TSNARE1: variants seen among roughly 807,000 people sequenced by gnomAD.
TSNARE1 encodes the protein t-SNARE domain containing 1.
In TSNARE1, 49 loss-of-function variants were observed where a neutral mutation model predicts 62.0. The ratio of observed to expected loss-of-function variants is 0.79; its 90% CI spans 0.63 to 1.00. TSNARE1 has a LOEUF of 1.00. Ranked by LOEUF, TSNARE1 falls within the 50% of genes least tolerant of loss-of-function variation. The pLI, the probability that TSNARE1 is intolerant of heterozygous loss-of-function variation, is 0.00. For missense variants in TSNARE1, 755 were observed against 700.1 expected, an observed-to-expected ratio of 1.08 and a Z score of -0.88; for synonymous variants, 328 against 294.4, an observed-to-expected ratio of 1.11 and a Z score of -1.17.
chr8:142,405,881 C>T (rs1838577142), upstream of TSNARE1: 1 of 152,500 alleles, frequency 6.6e-6, no homozygotes, highest in South Asian at 2.1e-4. Flanking sequence ...ACCCACCAAC[C>T]CCGCCGAGCC....
chr8:142,404,641 C>T (rs148978102), upstream of TSNARE1: 1 of 152,422 alleles, frequency 6.6e-6, no homozygotes, highest in African/African-American at 2.4e-5. Flanking sequence ...CAGGGCTTCA[C>T]TCTTCGGCTA....
intron 12 of TSNARE1, among the ~76,000 whole-genome samples, chr8:142,260,438 C>T (rs779737962): frequency 2.0e-5 from 3 of 152,152 alleles, no homozygotes; most frequent in South Asian, 2.1e-4. Context: ...CCTGGCCAGG[C>T]GTCCTCTGTC....
chr8:142,262,273 A>G (rs1313942675), intron 12 of TSNARE1, among the ~76,000 whole-genome samples: 3 of 152,106 alleles, frequency 2.0e-5, no homozygotes, highest in East Asian at 3.9e-4. Flanking sequence ...CATTGAGCCT[A>G]TAGATTTGGG....
At chr8:142,232,381 GCCAA>G (rs1460913557) in intron 12 of TSNARE1, among the ~76,000 whole-genome samples, 2 of 152,368 alleles carry the variant, frequency 1.3e-5, no homozygotes, top group East Asian at 3.9e-4. Flanking sequence ...CCTGAAGTTG[GCCAA>G]CCGAGGGCCT....
Position 142,315,002 on chromosome 8 carries a change from C to T in TSNARE1, c.1074+1G>A. On this transcript the variant is annotated splice_donor_variant, in intron 8 of 13. Transcript: ENST00000524325. LOFTEE classifies it high-confidence loss of function. Reference sequence around the variant, plus strand: ...CCCCACTGCCCCCACCAGCACCTCACCTTCTGCACCACTCCATAGCACTGA... The same window carrying T: ...CCCCACTGCCCCCACCAGCACCTCATCTTCTGCACCACTCCATAGCACTGA... 6.2e-7 allele frequency: 1 copy of T among 1,614,160 alleles called. No individual in the cohort carries two copies. The highest frequency in any genetic ancestry group is 8.5e-7 in the Non-Finnish European group (1 of 1,180,020).
chr8:142,305,613 T>TTAGACGCC (rs1826539746), intron 9 of TSNARE1, among the ~76,000 whole-genome samples: 1 of 152,112 alleles, frequency 6.6e-6, no homozygotes, highest in South Asian at 2.1e-4. Context: ...AAGAGATGGC[T>TTAGACGCC]TAGACGCCCG....
Position 142,339,740 on chromosome 8 carries a change from C to T in TSNARE1, c.745+4226G>A, listed in dbSNP as rs986707633. 4.6e-5 allele frequency among the ~76,000 whole-genome samples: 7 copies of T among 152,246 alleles called. 1 individual carries two copies. Among genetic ancestry groups the T allele is most frequent in the African/African-American group, 1.4e-4 (6 of 41,476 alleles). ...GACAACCACTCCCGAGGGAGGTCTG[C>T]GGGAAAGGCAGGTGGCAGATGGACA... On this transcript the variant is annotated intron_variant, in intron 4 of 13. Transcript: ENST00000524325.
At position 142,276,020 on chromosome 8, in the gene TSNARE1, C is replaced by G. The variant is rs536052254; in HGVS notation, c.1364-1157G>C. On this transcript the variant is annotated intron_variant, in intron 11 of 13. Transcript: ENST00000524325. ...CTGCCTTCAGAAGCCCCCACCCAGG[C>G]CTCACAGGGATCCTTGAACCCTTGG... 12 of 985,430 alleles carry G rather than the reference C, an allele frequency of 1.2e-5. No homozygotes were observed. In the African/African-American group the frequency reaches 1.6e-4, roughly 13 times the overall value. The allele number at this position is 985,430 out of a possible 1,614,324, so 61.0% of individuals were successfully genotyped here. A position where few individuals can be genotyped will look rare whatever the true frequency, so the allele number is the denominator to read the frequency against.
intron 10 of TSNARE1, among the ~76,000 whole-genome samples, chr8:142,286,892 C>T (rs1041981082): frequency 1.3e-5 from 2 of 152,234 alleles, no homozygotes; most frequent in Non-Finnish European, 2.9e-5. Flanking sequence ...TTGCAGGGGC[C>T]TTCCCAAGGG....
chr8:142,365,833 TA>T, intron 1 of TSNARE1: 1 of 370,882 alleles, frequency 2.7e-6, no homozygotes, highest in Non-Finnish European at 5.3e-6. Context: ...GAATAAATTG[TA>T]AAAGGTGCAA....
chr8:142,249,335 C>A (rs1440660573), intron 12 of TSNARE1, among the ~76,000 whole-genome samples: 1 of 152,142 alleles, frequency 6.6e-6, no homozygotes, highest in Non-Finnish European at 1.5e-5. Context: ...CGGCAAGGAA[C>A]AGGAAGGGCC....
At chr8:142,364,268 AC>A (rs945952996) in intron 1 of TSNARE1, among the ~76,000 whole-genome samples, 5 of 151,930 alleles carry the variant, frequency 3.3e-5, no homozygotes, top group Admixed American at 6.5e-5. Flanking sequence ...TCGTCATCCT[AC>A]CCGCCACACT....
At chr8:142,279,249 T>G (rs550948975) in intron 11 of TSNARE1, among the ~76,000 whole-genome samples, 3 of 152,168 alleles carry the variant, frequency 2.0e-5, no homozygotes, top group Non-Finnish European at 2.9e-5. Flanking sequence ...CTGGACTGCA[T>G]CTGGAAGGGG....
At chr8:142,342,212 G>A (rs1324724376) in intron 4 of TSNARE1, among the ~76,000 whole-genome samples, 7 of 152,254 alleles carry the variant, frequency 4.6e-5, no homozygotes, top group South Asian at 4.1e-4. Context: ...AGGAAGTTCC[G>A]GCAGCAAGGC....
chr8:142,315,978 C>A (rs531418231), intron 7 of TSNARE1, among the ~76,000 whole-genome samples: 4 of 152,344 alleles, frequency 2.6e-5, no homozygotes, highest in African/African-American at 9.6e-5. Flanking sequence ...AGGAGCCATT[C>A]GCTTCACGAG....
chr8:142,329,358 C>T (rs1032466511), intron 6 of TSNARE1, among the ~76,000 whole-genome samples: 5 of 152,204 alleles, frequency 3.3e-5, no homozygotes, highest in Non-Finnish European at 5.9e-5. Context: ...CTCTCCTCTC[C>T]GAGGCCCACA....
intron 9 of TSNARE1, among the ~76,000 whole-genome samples, chr8:142,307,026 T>G (rs1014486086): frequency 6.6e-6 from 1 of 152,212 alleles, no homozygotes; most frequent in Admixed American, 6.5e-5. Context: ...CAGTGGGGCC[T>G]GGTTCTGAAT....
At chr8:142,287,286 T>C (rs1429733741) in intron 10 of TSNARE1, among the ~76,000 whole-genome samples, 2 of 130,928 alleles carry the variant, frequency 1.5e-5, no homozygotes, top group African/African-American at 5.8e-5. Flanking sequence ...CCCTCCAGGA[T>C]GTGGAACCCA....
intron 12 of TSNARE1, among the ~76,000 whole-genome samples, chr8:142,267,861 C>A (rs140983176): frequency 6.6e-6 from 1 of 152,340 alleles, no homozygotes; most frequent in Non-Finnish European, 1.5e-5. Flanking sequence ...CCACTGAAAT[C>A]CCATCTGGGA....
Sources: gnomAD v4.1 joint callset for allele counts (sites outside exome capture counted in the v4.1 genomes callset) on GRCh38, gnomAD v4.1.1 for gene constraint, MANE v1.5 for transcripts, NCBI Gene and HGNC (gene_info 2026-07-23, HGNC 2026-07-21) for gene names.